ERBIN: variants seen among roughly 807,000 people sequenced by gnomAD.
ERBIN encodes the protein erbb2 interacting protein.
ERBIN carries 60 observed loss-of-function variants against 158.4 expected under a neutral mutation model. That is an observed-to-expected ratio of 0.38 (90% CI 0.31 to 0.47). ERBIN has a LOEUF of 0.47. ERBIN is among the 20% of genes least tolerant of loss of function. The probability of loss-of-function intolerance (pLI) is 0.99; values close to 1 mark genes in which losing one functional copy is unlikely to be tolerated. For synonymous variants in ERBIN, 594 were observed against 557.2 expected (o/e 1.07, Z -0.93); for missense variants, 1,610 against 1,648.0 (o/e 0.98, Z 0.40).
chr5:66,073,025 T>C (rs1238476752), intron 22 of ERBIN, among the ~76,000 whole-genome samples: 1 of 152,206 alleles, frequency 6.6e-6, no homozygotes, highest in Non-Finnish European at 1.5e-5. Flanking sequence ...TTACCCTCTT[T>C]TAATTGAGCT....
intron 21 of ERBIN, among the ~76,000 whole-genome samples, chr5:66,067,438 C>T (rs1325291006): frequency 6.6e-6 from 1 of 152,184 alleles, no homozygotes; most frequent in Non-Finnish European, 1.5e-5. Flanking sequence ...ATTAAGCCCT[C>T]AGCACTCAGG....
intron 23 of ERBIN, among the ~76,000 whole-genome samples, chr5:66,075,459 A>C (rs919322135): frequency 6.6e-6 from 1 of 152,200 alleles, no homozygotes; most frequent in African/African-American, 2.4e-5. Context: ...ATTCTGATAC[A>C]GTTTCTTTAC....
chr5:66,022,103 T>C (rs979755445), intron 8 of ERBIN, among the ~76,000 whole-genome samples: 11 of 152,236 alleles, frequency 7.2e-5, no homozygotes, highest in Admixed American at 1.3e-4. Context: ...TTCTCAAAAC[T>C]GCTTGCTATA....
At chr5:65,986,744 T>C (rs1474081266) in intron 1 of ERBIN, among the ~76,000 whole-genome samples, 1 of 152,194 alleles carries the variant, frequency 6.6e-6, no homozygotes, top group Middle Eastern at 3.2e-3. Context: ...TTTTCCCACA[T>C]ACCAAGAAAT....
At chr5:66,077,243 C>T (rs1383910096) in intron 25 of ERBIN, among the ~76,000 whole-genome samples, 3 of 151,810 alleles carry the variant, frequency 2.0e-5, no homozygotes. Context: ...ATTAGAGTAC[C>T]ACTTCTTGGA....
In ERBIN at chr5:66,026,298, TC is replaced by T. The variant is rs780927011; in HGVS notation, c.1021-3del. ...TTGATACTCAGTTTATATTTCTCTT[TC>T]AGATTGGAAGCTGGAAAAATATAAC... On this transcript the variant is annotated splice_polypyrimidine_tract_variant and splice_region_variant and intron_variant, in intron 12 of 25. Coordinates refer to ENST00000284037, the MANE Select transcript of ERBIN (RefSeq NM_001253697.2). 2 of 1,565,672 alleles carry T rather than the reference TC, an allele frequency of 1.3e-6. No individual in the cohort carries two copies. Among genetic ancestry groups the T allele is most frequent in the African/African-American group, 2.8e-5 (2 of 71,658 alleles).
chr5:66,013,734 A>G, intron 6 of ERBIN, 96 bp downstream of exon 6: 4 of 705,290 alleles, frequency 5.7e-6, no homozygotes, highest in Non-Finnish European at 9.7e-6. Context: ...TTACAGTTTC[A>G]TAGGCTCTTT....
chr5:66,055,343 G>A (rs1359534184), intron 21 of ERBIN, among the ~76,000 whole-genome samples: 1 of 152,108 alleles, frequency 6.6e-6, no homozygotes, highest in African/African-American at 2.4e-5. Flanking sequence ...AAAATGTATT[G>A]CAAATGTAAA....
intron 1 of ERBIN, among the ~76,000 whole-genome samples, chr5:65,947,788 C>T (rs1580118508): frequency 6.6e-6 from 1 of 152,222 alleles, no homozygotes; most frequent in East Asian, 1.9e-4. Flanking sequence ...AGGCAGATCA[C>T]GTGAGGTCAG....
intron 4 of ERBIN, among the ~76,000 whole-genome samples, chr5:66,006,667 A>G (rs1177492307): frequency 6.6e-6 from 1 of 152,154 alleles, no homozygotes; most frequent in African/African-American, 2.4e-5. Flanking sequence ...TAATATCCAG[A>G]ATCTACAATG....
intron 1 of ERBIN, among the ~76,000 whole-genome samples, chr5:65,933,623 T>G (rs552248885): frequency 3.3e-5 from 5 of 152,244 alleles, no homozygotes. Flanking sequence ...AAACTCATCT[T>G]TTTTGGAGAT....
chr5:66,002,057 A>G (rs1753062049), intron 4 of ERBIN, among the ~76,000 whole-genome samples: 1 of 152,132 alleles, frequency 6.6e-6, no homozygotes, highest in Non-Finnish European at 1.5e-5. Flanking sequence ...GAGCAAGAAC[A>G]TGCGGCGTTT....
At chr5:65,964,815 T>C (rs1198650863) in intron 1 of ERBIN, among the ~76,000 whole-genome samples, 3 of 144,410 alleles carry the variant, frequency 2.1e-5, no homozygotes, top group African/African-American at 7.7e-5. Context: ...CAATCTCCGC[T>C]CACTACAACC....
At chr5:66,065,186 A>G (rs980714731) in intron 21 of ERBIN, among the ~76,000 whole-genome samples, 1 of 152,242 alleles carries the variant, frequency 6.6e-6, no homozygotes, top group Admixed American at 6.5e-5. Flanking sequence ...AATTTGAGAT[A>G]CAAACCATGT....
intron 1 of ERBIN, among the ~76,000 whole-genome samples, chr5:65,930,418 C>T (rs1247349801): frequency 6.6e-6 from 1 of 152,190 alleles, no homozygotes; most frequent in Non-Finnish European, 1.5e-5. Flanking sequence ...CGCCATTCTC[C>T]TGCCTCAGCC....
At chr5:65,928,805 A>T (rs1391861910) in intron 1 of ERBIN, among the ~76,000 whole-genome samples, 2 of 152,222 alleles carry the variant, frequency 1.3e-5, no homozygotes, top group African/African-American at 4.8e-5. Flanking sequence ...GTGAAACTAT[A>T]AGTATTTTCG....
chr5:65,991,874 A>G (rs1314916806), intron 2 of ERBIN, among the ~76,000 whole-genome samples: 1 of 152,204 alleles, frequency 6.6e-6, no homozygotes, highest in African/African-American at 2.4e-5. Context: ...TATATGGCCA[A>G]TATTTAATTG....
At chr5:65,959,729 G>A (rs1329615978) in intron 1 of ERBIN, among the ~76,000 whole-genome samples, 3 of 151,966 alleles carry the variant, frequency 2.0e-5, no homozygotes, top group African/African-American at 7.3e-5. Context: ...ATATTTAAAT[G>A]CCCCTTTTTT....
intron 20 of ERBIN, among the ~76,000 whole-genome samples, chr5:66,052,931 C>A (rs1580473782): frequency 6.6e-6 from 1 of 152,112 alleles, no homozygotes; most frequent in East Asian, 1.9e-4. Context: ...CTGTGTACTT[C>A]GTTAACTATG....
Sources: gnomAD v4.1 joint callset for allele counts (sites outside exome capture counted in the v4.1 genomes callset) on GRCh38, gnomAD v4.1.1 for gene constraint, MANE v1.5 for transcripts, NCBI Gene and HGNC (gene_info 2026-07-23, HGNC 2026-07-21) for gene names.